The following LOC400499 variants were observed in gnomAD, a reference collection of about 807,000 sequenced individuals.
chr16:11,400,207 T>C, the LOC400499 span, among the ~76,000 whole-genome samples: 1 of 151,970 alleles, frequency 6.6e-6, no homozygotes, highest in South Asian at 2.1e-4. Flanking sequence ...TCCCTCCCAG[T>C]CACTCTGTTC....
the LOC400499 span, among the ~76,000 whole-genome samples, chr16:11,405,963 C>T: frequency 6.6e-6 from 1 of 152,222 alleles, no homozygotes; most frequent in African/African-American, 2.4e-5. Context: ...CATGCAAACC[C>T]ATCCCTGCCC....
At chr16:11,406,494 G>A in the LOC400499 span, among the ~76,000 whole-genome samples, 24 of 152,152 alleles carry the variant, frequency 1.6e-4, no homozygotes, top group African/African-American at 4.1e-4. Context: ...GTGCAACGGC[G>A]CAATCTCGGC....
At chr16:11,478,614 C>G in the LOC400499 span, 1 of 399,090 alleles carries the variant, frequency 2.5e-6, no homozygotes, top group Non-Finnish European at 4.4e-6. Context: ...TCACAAAGCT[C>G]AGCTCCTGCC....
At chr16:11,438,818 G>A in the LOC400499 span, among the ~76,000 whole-genome samples, 5 of 151,950 alleles carry the variant, frequency 3.3e-5, no homozygotes, top group Non-Finnish European at 7.4e-5. Context: ...TATCGGGCTA[G>A]GTGCGGTGGC....
the LOC400499 span, among the ~76,000 whole-genome samples, chr16:11,477,296 A>AT: frequency 1.3e-5 from 2 of 152,182 alleles, no homozygotes; most frequent in Non-Finnish European, 2.9e-5. Context: ...CCCATGTCAA[A>AT]CTCAGGGCCC....
At chr16:11,390,417 C>G in the LOC400499 span, 1 of 1,252,034 alleles carries the variant, frequency 8.0e-7, no homozygotes, top group Non-Finnish European at 1.0e-6. Context: ...CCTCCAGGGG[C>G]CGCAGTGTCA....
the LOC400499 span, among the ~76,000 whole-genome samples, chr16:11,509,022 C>T: frequency 1.3e-5 from 2 of 152,068 alleles, no homozygotes; most frequent in Non-Finnish European, 1.5e-5. Flanking sequence ...TCATTGCAAA[C>T]AGCCTAAGAT....
chr16:11,437,149 G>C, the LOC400499 span, among the ~76,000 whole-genome samples: 2 of 152,206 alleles, frequency 1.3e-5, no homozygotes, highest in Middle Eastern at 3.2e-3. Flanking sequence ...TGGTTGCCAG[G>C]GGGTGGAGTG....
the LOC400499 span, chr16:11,391,618 G>A: frequency 1.6e-6 from 2 of 1,227,922 alleles, no homozygotes; most frequent in Non-Finnish European, 2.0e-6. Context: ...TGGAGAGGGG[G>A]GACATTGATT....
At chr16:11,412,973 T>G in the LOC400499 span, 4 of 399,150 alleles carry the variant, frequency 1.0e-5, no homozygotes, top group South Asian at 5.1e-4. Context: ...GAGCAGGCTG[T>G]GAGATGTGTG....
chr16:11,376,952 T>TTC, the LOC400499 span, among the ~76,000 whole-genome samples: 2 of 151,630 alleles, frequency 1.3e-5, no homozygotes, highest in African/African-American at 4.8e-5. Context: ...TTTTTTTTTT[T>TTC]TTTTAAAGAT....
chr16:11,487,985 T>C, the LOC400499 span, among the ~76,000 whole-genome samples: 123 of 151,970 alleles, frequency 8.1e-4, no homozygotes, highest in African/African-American at 2.8e-3. Flanking sequence ...GGCATGGTGG[T>C]GCGCGCCTGT....
chr16:11,460,556 T>C, the LOC400499 span: 1 of 1,535,624 alleles, frequency 6.5e-7, no homozygotes, highest in South Asian at 1.2e-5. Flanking sequence ...TGAGCCACTG[T>C]CTGCCCGCAG....
At chr16:11,493,510 C>CT in the LOC400499 span, 21 of 388,742 alleles carry the variant, frequency 5.4e-5, no homozygotes, top group Admixed American at 1.8e-4. Context: ...CCTGTTCACA[C>CT]TAGTACCCAG....
the LOC400499 span, among the ~76,000 whole-genome samples, chr16:11,429,107 A>C: frequency 2.0e-5 from 3 of 152,220 alleles, no homozygotes; most frequent in African/African-American, 7.2e-5. Context: ...CTGTGTCCCC[A>C]ACAACCCTCA....
the LOC400499 span, chr16:11,450,591 G>A: frequency 1.3e-6 from 2 of 1,534,756 alleles, no homozygotes; most frequent in Non-Finnish European, 1.7e-6. Flanking sequence ...CATATATCGG[G>A]GGCCGAGCAC....
chr16:11,375,990 C>T, the LOC400499 span, among the ~76,000 whole-genome samples: 5 of 152,114 alleles, frequency 3.3e-5, no homozygotes, highest in Non-Finnish European at 7.4e-5. Context: ...CCACCTGCCT[C>T]GGGCTCCCAA....
chr16:11,451,421 A>G, the LOC400499 span, among the ~76,000 whole-genome samples: 1 of 152,130 alleles, frequency 6.6e-6, no homozygotes, highest in Admixed American at 6.5e-5. Flanking sequence ...CTCTACAACA[A>G]ATACAAAAAT....
the LOC400499 span, chr16:11,446,848 C>G: frequency 2.0e-6 from 3 of 1,535,998 alleles, no homozygotes; most frequent in African/African-American, 4.1e-5. Context: ...CTGGTGTCGC[C>G]TATCAGCTGT....
Sources: allele counts gnomAD v4.1 joint callset (sites outside exome capture counted in the v4.1 genomes callset), GRCh38; gene constraint gnomAD v4.1.1; transcripts MANE v1.5.